The following RARRES1 variants were observed in gnomAD, a reference collection of about 807,000 sequenced individuals.
RARRES1 encodes the protein retinoic acid receptor responder protein 1.
In RARRES1, 34 loss-of-function variants were observed where a neutral mutation model predicts 30.6. The ratio of observed to expected loss-of-function variants is 1.11; its 90% CI spans 0.84 to 1.48. RARRES1 has a LOEUF of 1.48. Ranked by LOEUF, RARRES1 falls within the 40% of genes most tolerant of loss-of-function variation. The pLI is 0.00. For synonymous variants in RARRES1, 153 were observed against 155.5 expected (o/e 0.98, Z 0.12); for missense variants, 373 against 386.5 (o/e 0.97, Z 0.29).
chr3:158,712,915 TA>T, intron 2 of RARRES1, among the ~76,000 whole-genome samples: 1 of 152,220 alleles, frequency 6.6e-6, no homozygotes, highest in Non-Finnish European at 1.5e-5. Flanking sequence ...TTTGCAACAC[TA>T]ACAATCAAAG....
In RARRES1 at chr3:158,708,688, G is replaced by A. The variant is rs572257882; in HGVS notation, c.535+2050C>T. ...TGCTGAGATTTTTTTTTTTTGAGAC[G>A]GAGTTTCGCTCTGTTGCCCAGGCTG... On this transcript the variant is annotated intron_variant, in intron 3 of 5. Coordinates refer to ENST00000237696, the MANE Select transcript of RARRES1 (RefSeq NM_206963.2). 6.6e-5 allele frequency among the ~76,000 whole-genome samples: 10 copies of A among 151,426 alleles called. No individual in the cohort carries two copies. In the South Asian group the frequency reaches 8.3e-4, roughly 13 times the overall value.
chr3:158,707,453 G>A (rs534802254), intron 3 of RARRES1, among the ~76,000 whole-genome samples: 27 of 152,146 alleles, frequency 1.8e-4, no homozygotes, highest in Middle Eastern at 3.4e-3. Context: ...TCTCAAGGTG[G>A]GAAGGATACT....
At chr3:158,725,117 C>G (rs191274758) in intron 1 of RARRES1, among the ~76,000 whole-genome samples, 144 of 152,282 alleles carry the variant, frequency 9.5e-4, no homozygotes, top group Non-Finnish European at 1.9e-3. Flanking sequence ...AGCCAACATG[C>G]CCGGCGAAGA....
In RARRES1 at chr3:158,724,759, G is replaced by T. The variant is rs142825017; in HGVS notation, c.276+7381C>A. On this transcript the variant is annotated intron_variant, in intron 1 of 5. Coordinates refer to ENST00000237696, the MANE Select transcript of RARRES1 (RefSeq NM_206963.2). ...GATCCTTAATGTCATGTTCTGTGTG[G>T]GCATGTGCCCTTGGGATGACCACGG... Among the ~76,000 whole-genome samples, 465 of 152,144 alleles carry T rather than the reference G, an allele frequency of 3.1e-3. 1 individual carries two copies. Among genetic ancestry groups the T allele is most frequent in the African/African-American group, 0.01 (423 of 41,516 alleles).
At chr3:158,710,466 C>T (rs990906909) in intron 3 of RARRES1, among the ~76,000 whole-genome samples, 4 of 152,112 alleles carry the variant, frequency 2.6e-5, no homozygotes, top group Non-Finnish European at 5.9e-5. Context: ...CCTCGGCCTC[C>T]CAAAGTGCTG....
At chr3:158,698,334 A>C in intron 4 of RARRES1, 1 of 185,522 alleles carries the variant, frequency 5.4e-6, no homozygotes, top group Non-Finnish European at 1.1e-5. Context: ...GGCAATCAGT[A>C]ATTCTAGAAG....
rs1727922957 is a variant in RARRES1, at chr3:158,732,197, C to T, written c.219G>A (p.Arg73=). The change falls in exon 1 of 6, where the codon CGG becomes CGA. Residue 73 remains arginine (R), a synonymous_variant. Coordinates refer to ENST00000237696, the MANE Select transcript of RARRES1 (RefSeq NM_206963.2). ...CTCGTAGCGCGCTGGGCGAGCCGGA[C>T]CGGAAGTTGAAGAAGTGAAGCGCCG... ...ARAALHFFNF[R]SGSPSALRVL... 7.0e-7 allele frequency: 1 copy of T among 1,423,484 alleles called. No homozygotes were observed. Among genetic ancestry groups the T allele is most frequent in the South Asian group, 1.5e-5 (1 of 68,034 alleles). 88.2% of individuals were successfully genotyped at this position (1,423,484 alleles called of 1,614,324 possible).
intron 4 of RARRES1, among the ~76,000 whole-genome samples, chr3:158,703,315 A>G (rs901015754): frequency 2.0e-5 from 3 of 152,154 alleles, no homozygotes; most frequent in African/African-American, 4.8e-5. Flanking sequence ...ACTCAAAGAT[A>G]GTAACTCTAA....
intron 4 of RARRES1, among the ~76,000 whole-genome samples, chr3:158,701,490 A>C (rs1726721814): frequency 6.6e-6 from 1 of 152,172 alleles, no homozygotes; most frequent in African/African-American, 2.4e-5. Context: ...TAATTCCCAG[A>C]AAGTTTTTGG....
At chr3:158,728,861 T>C (rs1026249186) in intron 1 of RARRES1, among the ~76,000 whole-genome samples, 5 of 152,146 alleles carry the variant, frequency 3.3e-5, no homozygotes, top group Non-Finnish European at 4.4e-5. Context: ...ACTGCTCTTA[T>C]AATGGAGGCA....
At chr3:158,726,381 G>A (rs530413869) in intron 1 of RARRES1, among the ~76,000 whole-genome samples, 260 of 152,338 alleles carry the variant, frequency 1.7e-3, no homozygotes, top group African/African-American at 5.4e-3. Context: ...ACTGCCTTGT[G>A]GCCTAGTGGA....
chr3:158,728,554 C>T (rs1230194792), intron 1 of RARRES1, among the ~76,000 whole-genome samples: 14 of 140,494 alleles, frequency 1.0e-4, no homozygotes, highest in Non-Finnish European at 1.5e-4. Flanking sequence ...GACAGATTCT[C>T]GCTCTGTCAC....
intron 2 of RARRES1, among the ~76,000 whole-genome samples, chr3:158,711,616 TTTTTTG>T (rs1727139112): frequency 6.7e-6 from 1 of 150,350 alleles, no homozygotes; most frequent in African/African-American, 2.5e-5. Flanking sequence ...TTTTTTTTTT[TTTTTTG>T]AGATGGAGTC....
chr3:158,712,248 A>G (rs1230486059), intron 2 of RARRES1, among the ~76,000 whole-genome samples: 3 of 152,170 alleles, frequency 2.0e-5, no homozygotes, highest in African/African-American at 4.8e-5. Flanking sequence ...AGTGAAAACA[A>G]CTACCAAAAA....
chr3:158,727,830 G>T lies in RARRES1; in HGVS notation c.276+4310C>A, dbSNP rs1351995723. 3.3e-5 allele frequency among the ~76,000 whole-genome samples: 5 copies of T among 152,112 alleles called. No individual in the cohort carries two copies. The South Asian group carries it at 1.0e-3, about 31-fold the overall frequency. On this transcript the variant is annotated intron_variant, in intron 1 of 5. Transcript: ENST00000237696. ...AACACAAATCGTGGTCTGTGATTTC[G>T]CCTACAATTAGCAACAAAACAAAAC...
intron 2 of RARRES1, among the ~76,000 whole-genome samples, chr3:158,711,484 G>C (rs1390177094): frequency 6.6e-6 from 1 of 151,892 alleles, no homozygotes; most frequent in African/African-American, 2.4e-5. Context: ...CAGGCTCTCT[G>C]TACTAACTTC....
At chr3:158,709,447 C>A (rs1281279862) in intron 3 of RARRES1, among the ~76,000 whole-genome samples, 1 of 152,176 alleles carries the variant, frequency 6.6e-6, no homozygotes, top group Non-Finnish European at 1.5e-5. Context: ...AATTCTGCTA[C>A]AACATGAGAT....
Position 158,711,698 on chromosome 3 carries a change from C to A in RARRES1, c.340-765G>T, listed in dbSNP as rs576708493. ...GCAACCTCTGCCTCCTGGGTTCACG[C>A]GATTCTCCTGCCTCAGCCTCTGAGT... On this transcript the variant is annotated intron_variant, in intron 2 of 5. Transcript: ENST00000237696. Among the ~76,000 whole-genome samples the A allele has an allele frequency of 2.7e-5, 4 of 150,820 alleles. No individual in the cohort carries two copies. The East Asian group carries it at 7.8e-4, about 30-fold the overall frequency.
chr3:158,721,856 C>T lies in RARRES1; in HGVS notation c.277-7997G>A, dbSNP rs556371620. Reference sequence around the variant, plus strand: ...CTGTAATCCCAGCACTTTGGGAGGCCGAGGTGGGGCAGATCACCTGAGGTC... The same window carrying T: ...CTGTAATCCCAGCACTTTGGGAGGCTGAGGTGGGGCAGATCACCTGAGGTC... On this transcript the variant is annotated intron_variant, in intron 1 of 5. Transcript: ENST00000237696. Among the ~76,000 whole-genome samples the T allele has an allele frequency of 8.5e-5, 13 of 152,072 alleles. No homozygotes were observed. The South Asian group carries it at 1.7e-3, about 19-fold the overall frequency.
Sources: allele counts gnomAD v4.1 joint callset (sites outside exome capture counted in the v4.1 genomes callset), GRCh38; gene constraint gnomAD v4.1.1; transcripts MANE v1.5; gene names NCBI Gene and HGNC (gene_info 2026-07-23, HGNC 2026-07-21).